The following RIMS2 variants were observed in gnomAD, a reference collection of about 807,000 sequenced individuals.
The protein encoded by RIMS2 is regulating synaptic membrane exocytosis protein 2.
A neutral mutation model predicts 174.4 loss-of-function variants in RIMS2; 59 were observed. That is an observed-to-expected ratio of 0.34 (90% CI 0.27 to 0.42). The LOEUF is 0.42. Among genes scored for constraint, RIMS2 ranks in the 10% least tolerant of loss-of-function variants. RIMS2 has a pLI of 1.00. For missense variants in RIMS2, 1,620 were observed against 1,666.3 expected (o/e 0.97, Z 0.48); for synonymous variants, 606 against 572.5 (o/e 1.06, Z -0.84).
intron 16 of RIMS2, 60 bp downstream of exon 18, chr8:103,975,566 G>A (rs1475088168): frequency 4.2e-6 from 5 of 1,194,690 alleles, no homozygotes; most frequent in South Asian, 1.3e-5. Context: ...TTCTCCAGAG[G>A]GACAAAACTA....
At chr8:103,525,334 A>G (rs574894197) in intron 1 of RIMS2, among the ~76,000 whole-genome samples, 37 of 152,180 alleles carry the variant, frequency 2.4e-4, no homozygotes, top group Non-Finnish European at 4.3e-4. Context: ...GTAAGCCCTA[A>G]GGAATAGCTC....
At chr8:104,168,175 T>A (rs1044922907) in intron 19 of RIMS2, among the ~76,000 whole-genome samples, 3 of 152,072 alleles carry the variant, frequency 2.0e-5, no homozygotes, top group Non-Finnish European at 4.4e-5. Context: ...ATATAAATTT[T>A]AGGATTTTTT....
At chr8:104,136,238 C>T (rs1205929940) in intron 19 of RIMS2, among the ~76,000 whole-genome samples, 1 of 152,032 alleles carries the variant, frequency 6.6e-6, no homozygotes, top group Non-Finnish European at 1.5e-5. Context: ...GCATTTTTAT[C>T]CAATTTTAAT....
intron 1 of RIMS2, among the ~76,000 whole-genome samples, chr8:103,608,142 G>C (rs988978933): frequency 2.7e-5 from 4 of 147,850 alleles, no homozygotes; most frequent in East Asian, 3.9e-4. Flanking sequence ...ATCTACTTTT[G>C]GTCTTTGATG....
At chr8:103,732,580 G>T (rs1213824900) in intron 2 of RIMS2, among the ~76,000 whole-genome samples, 1 of 152,136 alleles carries the variant, frequency 6.6e-6, no homozygotes, top group Non-Finnish European at 1.5e-5. Flanking sequence ...TATCATCTGG[G>T]AGCCAGGGCC....
At chr8:104,222,227 A>T (rs1415293836) in intron 19 of RIMS2, among the ~76,000 whole-genome samples, 1 of 152,096 alleles carries the variant, frequency 6.6e-6, no homozygotes, top group Non-Finnish European at 1.5e-5. Context: ...TGTAAGCTTC[A>T]TGAGAGCAGG....
chr8:104,168,734 G>C (rs991994586), intron 19 of RIMS2, among the ~76,000 whole-genome samples: 2 of 152,072 alleles, frequency 1.3e-5, no homozygotes, highest in Non-Finnish European at 2.9e-5. Context: ...CAGTTCTCAA[G>C]GGGAATGCTT....
chr8:104,179,948 A>G (rs554713712), intron 19 of RIMS2, among the ~76,000 whole-genome samples: 1 of 151,972 alleles, frequency 6.6e-6, no homozygotes, highest in East Asian at 1.9e-4. Context: ...ACATTCCAGT[A>G]TGTACCCTCC....
At chr8:103,658,031 CT>C (rs1382796102) in intron 1 of RIMS2, among the ~76,000 whole-genome samples, 3 of 152,168 alleles carry the variant, frequency 2.0e-5, no homozygotes, top group African/African-American at 7.2e-5. Context: ...ACCGTAGTTG[CT>C]TCTACTGTAA....
At chr8:104,054,230 G>A (rs1029584596) in intron 19 of RIMS2, among the ~76,000 whole-genome samples, 5 of 152,020 alleles carry the variant, frequency 3.3e-5, no homozygotes, top group Non-Finnish European at 2.9e-5. Flanking sequence ...CACTTTATGA[G>A]ATTTTCCTAT....
intron 19 of RIMS2, among the ~76,000 whole-genome samples, chr8:104,234,160 G>T (rs1013264207): frequency 6.6e-6 from 1 of 152,178 alleles, no homozygotes; most frequent in Middle Eastern, 3.4e-3. Context: ...GGGTAATTAG[G>T]ATTCCAAGTT....
chr8:104,117,981 T>C (rs1465793947), intron 19 of RIMS2, among the ~76,000 whole-genome samples: 1 of 152,188 alleles, frequency 6.6e-6, no homozygotes, highest in Non-Finnish European at 1.5e-5. Context: ...TTTAGAATCA[T>C]ATCAAGAACT....
At chr8:103,816,699 G>A (rs548305725) in intron 3 of RIMS2, among the ~76,000 whole-genome samples, 72 of 152,224 alleles carry the variant, frequency 4.7e-4, no homozygotes, top group African/African-American at 1.6e-3. Flanking sequence ...GGATACTGAG[G>A]GAACTAGAAG....
intron 1 of RIMS2, among the ~76,000 whole-genome samples, chr8:103,599,931 C>A (rs1016692853): frequency 2.0e-5 from 3 of 152,084 alleles, no homozygotes; most frequent in African/African-American, 7.2e-5. Context: ...TAAAAATTTA[C>A]AATCAAATTA....
intron 1 of RIMS2, among the ~76,000 whole-genome samples, chr8:103,592,069 G>T (rs1229896686): frequency 6.6e-6 from 1 of 151,170 alleles, no homozygotes; most frequent in Non-Finnish European, 1.5e-5. Context: ...TGTTCTTGCA[G>T]AATCTTAGGA....
At chr8:104,027,007 G>T (rs1363251399) in intron 19 of RIMS2, among the ~76,000 whole-genome samples, 1 of 152,146 alleles carries the variant, frequency 6.6e-6, no homozygotes, top group Non-Finnish European at 1.5e-5. Context: ...ATATGAGAGA[G>T]ATTCAGGGAT....
chr8:104,082,431 A>C (rs551842185), intron 19 of RIMS2, among the ~76,000 whole-genome samples: 1 of 152,302 alleles, frequency 6.6e-6, no homozygotes, highest in African/African-American at 2.4e-5. Context: ...TGGCTGGTAG[A>C]AATCTGGGAA....
At chr8:103,948,705 C>G (rs542862089) in intron 14 of RIMS2, among the ~76,000 whole-genome samples, 1 of 152,064 alleles carries the variant, frequency 6.6e-6, no homozygotes. Flanking sequence ...TGTGAACAAT[C>G]TTTTGGGGGT....
At chr8:103,900,293 A>T (rs1762591784) in intron 4 of RIMS2, among the ~76,000 whole-genome samples, 1 of 151,560 alleles carries the variant, frequency 6.6e-6, no homozygotes, top group Non-Finnish European at 1.5e-5. Flanking sequence ...GTGTGATCTC[A>T]GCTCACTACA....
Sources: allele counts gnomAD v4.1 joint callset (sites outside exome capture counted in the v4.1 genomes callset), GRCh38; gene constraint gnomAD v4.1.1; transcripts MANE v1.5; gene names NCBI Gene and HGNC (gene_info 2026-07-23, HGNC 2026-07-21).